Variants in SGCZ observed in about 807,000 individuals in gnomAD.
The protein encoded by SGCZ is sarcoglycan zeta.
A neutral mutation model predicts 41.3 loss-of-function variants in SGCZ; 40 were observed. The observed-to-expected ratio is 0.97, with a 90% CI of 0.75 to 1.26. The LOEUF (loss-of-function observed/expected upper bound fraction) is 1.26, where lower values mean the gene tolerates loss of function less well. Ranked by LOEUF, SGCZ falls within the 50% of genes most tolerant of loss-of-function variation. The pLI is 0.00. For missense variants in SGCZ, 552 were observed against 369.8 expected (o/e 1.49, Z -4.04); for synonymous variants, 206 against 137.5 (o/e 1.50, Z -3.49).
intron 1 of SGCZ, among the ~76,000 whole-genome samples, chr8:15,173,762 AT>A (rs1799917833): frequency 6.6e-6 from 1 of 152,050 alleles, no homozygotes; most frequent in Non-Finnish European, 1.5e-5. Context: ...AGATTCATTC[AT>A]TTATTTAGAG....
At chr8:14,605,062 T>C (rs1805706459) in intron 1 of SGCZ, among the ~76,000 whole-genome samples, 1 of 152,192 alleles carries the variant, frequency 6.6e-6, no homozygotes, top group South Asian at 2.1e-4. Context: ...ATTATTTGTT[T>C]CTAACTAATC....
chr8:14,843,008 T>C (rs766116857), intron 1 of SGCZ, among the ~76,000 whole-genome samples: 20 of 152,116 alleles, frequency 1.3e-4, no homozygotes, highest in Non-Finnish European at 2.1e-4. Context: ...AGGTCAAAGG[T>C]TTGAGACCAG....
intron 1 of SGCZ, among the ~76,000 whole-genome samples, chr8:14,808,998 C>T (rs985401916): frequency 1.3e-5 from 2 of 150,704 alleles, no homozygotes; most frequent in Non-Finnish European, 2.9e-5. Context: ...CCAAACACCG[C>T]ATATTCTCAC....
At chr8:14,805,734 T>C (rs1362174259) in intron 1 of SGCZ, among the ~76,000 whole-genome samples, 2 of 152,052 alleles carry the variant, frequency 1.3e-5, no homozygotes, top group Non-Finnish European at 2.9e-5. Flanking sequence ...GCGGACGTAA[T>C]AGACATCTAC....
chr8:14,493,502 G>A (rs1318289186), intron 2 of SGCZ, among the ~76,000 whole-genome samples: 2 of 150,042 alleles, frequency 1.3e-5, no homozygotes, highest in African/African-American at 4.9e-5. Flanking sequence ...CGAGTAGCTG[G>A]AACTACAGGT....
chr8:14,493,359 C>CTTTTTTTTTTTTTTTTATTTTTTTTTTTT (rs1801898977), intron 2 of SGCZ, among the ~76,000 whole-genome samples: 1 of 44,268 alleles, frequency 2.3e-5, no homozygotes, highest in Non-Finnish European at 4.2e-5. Flanking sequence ...ATCATCCTTT[C>CTTTTTTTTTTTTTTTTATTTTTTTTTTTT]TTTTTTTTTT....
chr8:14,666,332 G>A (rs527327937), intron 1 of SGCZ, among the ~76,000 whole-genome samples: 60 of 152,144 alleles, frequency 3.9e-4, no homozygotes, highest in Non-Finnish European at 7.4e-4. Flanking sequence ...TCAGAGACTT[G>A]CAGGATGGCA....
At chr8:14,149,656 G>A (rs75512329) in intron 5 of SGCZ, among the ~76,000 whole-genome samples, 2,618 of 140,232 alleles carry the variant, frequency 0.019, 115 homozygotes, top group East Asian at 0.11. Context: ...TTCTTCATAG[G>A]AAAAAAAAAA....
intron 1 of SGCZ, among the ~76,000 whole-genome samples, chr8:14,628,324 G>A (rs1047886525): frequency 1.4e-5 from 2 of 146,220 alleles, no homozygotes; most frequent in Non-Finnish European, 3.0e-5. Context: ...TACCTATAAG[G>A]AAAGAAAATA....
At chr8:14,548,744 T>C (rs748548448) in intron 2 of SGCZ, among the ~76,000 whole-genome samples, 6 of 152,156 alleles carry the variant, frequency 3.9e-5, no homozygotes, top group Admixed American at 6.6e-5. Context: ...CCTGTGCATG[T>C]GTATGTGTAT....
chr8:15,113,457 A>G (rs765566291), intron 1 of SGCZ, among the ~76,000 whole-genome samples: 59 of 152,228 alleles, frequency 3.9e-4, no homozygotes, highest in Middle Eastern at 3.4e-3. Flanking sequence ...TGGGCTCTAA[A>G]TGTCATTTGT....
At chr8:14,554,581 T>A (rs1244514575) in intron 2 of SGCZ, 151 bp downstream of exon 2, 4 of 690,424 alleles carry the variant, frequency 5.8e-6, no homozygotes, top group Non-Finnish European at 9.2e-6. Context: ...ACTGAATGTA[T>A]TCTTAAAATA....
intron 1 of SGCZ, among the ~76,000 whole-genome samples, chr8:15,017,276 C>T (rs1284888831): frequency 1.3e-5 from 2 of 152,032 alleles, no homozygotes; most frequent in African/African-American, 4.8e-5. Context: ...TTCGATAATG[C>T]ATGAAAATGA....
At chr8:15,074,267 T>G (rs1805453963) in intron 1 of SGCZ, among the ~76,000 whole-genome samples, 2 of 152,182 alleles carry the variant, frequency 1.3e-5, no homozygotes, top group Admixed American at 1.3e-4. Context: ...GTCCAAAATC[T>G]TCTCAGTCTA....
rs1251211104 is a variant in SGCZ at position 14,090,350 on chromosome 8, G to C, written c.*93C>G. 13 of 1,386,622 alleles carry C rather than the reference G, an allele frequency of 9.4e-6. No homozygotes were observed. Among genetic ancestry groups the C allele is most frequent in the Non-Finnish European group, 1.3e-5 (13 of 1,018,468 alleles). 85.9% of individuals were successfully genotyped at this position (1,386,622 alleles called of 1,614,324 possible). A position where few individuals can be genotyped will look rare whatever the true frequency, so the allele number is the denominator to read the frequency against. ...GTTGCTCTGTGGACCATTCGAAGAA[G>C]CTCTGGACTGATCACAAGGGAAACC... On this transcript the variant is annotated 3_prime_UTR_variant, in exon 8 of 8. Transcript: ENST00000382080.
chr8:14,281,849 T>C (rs537059405), intron 3 of SGCZ, among the ~76,000 whole-genome samples: 10 of 113,282 alleles, frequency 8.8e-5, no homozygotes, highest in Non-Finnish European at 1.9e-4. Flanking sequence ...TAAATTAAGT[T>C]TGTCAGAACC....
At position 14,181,062 on chromosome 8, in the gene SGCZ, G is replaced by C. The variant is rs551741615; in HGVS notation, c.425-16360C>G. On this transcript the variant is annotated intron_variant, in intron 4 of 7. Coordinates refer to ENST00000382080, the MANE Select transcript of SGCZ (RefSeq NM_139167.4). ...AAGCGGCTATTATGCCCCCTCCTAG[G>C]GAGGGAAGCCATGTGTGATAGTCTA... 2.0e-5 allele frequency among the ~76,000 whole-genome samples: 3 copies of C among 152,268 alleles called. No homozygotes were observed. In the South Asian group the frequency reaches 6.2e-4, roughly 32 times the overall value.
At chr8:14,745,759 G>A (rs1799322973) in intron 1 of SGCZ, among the ~76,000 whole-genome samples, 3 of 151,914 alleles carry the variant, frequency 2.0e-5, no homozygotes, top group African/African-American at 7.3e-5. Context: ...AGGGGCATGG[G>A]GAAAGAGGAA....
At chr8:14,240,327 CAAAAAAAAAAAAAAAAAA>C (rs59351247) in intron 3 of SGCZ, among the ~76,000 whole-genome samples, 1 of 115,242 alleles carries the variant, frequency 8.7e-6, no homozygotes, top group Non-Finnish European at 1.8e-5. Flanking sequence ...AACTCTGTGT[CAAAAAAAAAAAAAAAAAA>C]AAAAAAAAAA....
Sources: allele counts gnomAD v4.1 joint callset (sites outside exome capture counted in the v4.1 genomes callset), GRCh38; gene constraint gnomAD v4.1.1; transcripts MANE v1.5; gene names NCBI Gene and HGNC (gene_info 2026-07-23, HGNC 2026-07-21).